PPP1CB: variants seen among roughly 807,000 people sequenced by gnomAD.
The protein encoded by PPP1CB is protein phosphatase 1 catalytic subunit beta.
Under a neutral mutation model 43.7 loss-of-function variants are expected in PPP1CB, and 2 were observed. That is an observed-to-expected ratio of 0.05 (90% CI 0.02 to 0.14). PPP1CB has a LOEUF of 0.14. Among genes scored for constraint, PPP1CB ranks in the 10% least tolerant of loss-of-function variants. The probability of loss-of-function intolerance (pLI) is 1.00; values close to 1 mark genes in which losing one functional copy is unlikely to be tolerated. For missense variants in PPP1CB, 84 were observed against 398.0 expected, an observed-to-expected ratio of 0.21 and a Z score of 6.71; for synonymous variants, 136 against 135.6, an observed-to-expected ratio of 1.00 and a Z score of -0.02.
At chr2:28,785,089 T>TTTTTTTG (rs1667237567) in intron 5 of PPP1CB, among the ~76,000 whole-genome samples, 1 of 125,206 alleles carries the variant, frequency 8.0e-6, no homozygotes, top group Non-Finnish European at 1.7e-5. Flanking sequence ...TTTTTTTTTT[T>TTTTTTTG]TTTTGAGACA....
rs1476585180 is a variant in PPP1CB at position 28,799,882 on chromosome 2, T to A, written c.*579T>A. 6.6e-6 allele frequency: 1 copy of A among 152,518 alleles called. No individual in the cohort carries two copies. The highest frequency in any genetic ancestry group is 2.4e-5 in the African/African-American group (1 of 41,442). 9.4% of individuals were successfully genotyped at this position (152,518 alleles called of 1,614,324 possible). ...CGCCTCATTACATTAAAAAGGAATT[T>A]TAGAGATTGATTGTTTTAAAAAAAA... On this transcript the variant is annotated 3_prime_UTR_variant, in exon 8 of 8. Transcript: ENST00000395366.
At chr2:28,767,055 T>A (rs1666793405) in intron 1 of PPP1CB, among the ~76,000 whole-genome samples, 1 of 151,134 alleles carries the variant, frequency 6.6e-6, no homozygotes, top group Non-Finnish European at 1.5e-5. Context: ...CAGTCCAGCC[T>A]GGGCAACAGA....
chr2:28,798,267 G>A (rs1667537253), intron 7 of PPP1CB, among the ~76,000 whole-genome samples: 1 of 152,056 alleles, frequency 6.6e-6, no homozygotes, highest in African/African-American at 2.4e-5. Context: ...ATCAAGTTTT[G>A]GCAAGGATTT....
chr2:28,796,293 G>A (rs957954247), intron 7 of PPP1CB, among the ~76,000 whole-genome samples: 9 of 152,048 alleles, frequency 5.9e-5, no homozygotes, highest in African/African-American at 2.2e-4. Context: ...AATTTCATAT[G>A]AATTTTAGAA....
chr2:28,754,821 C>A (rs567982295), intron 1 of PPP1CB, among the ~76,000 whole-genome samples: 1 of 152,106 alleles, frequency 6.6e-6, no homozygotes, highest in South Asian at 2.1e-4. Flanking sequence ...GTCAAATGAA[C>A]GTGTAAGTAA....
chr2:28,772,290 G>A (rs1666931279), intron 1 of PPP1CB, among the ~76,000 whole-genome samples: 1 of 152,054 alleles, frequency 6.6e-6, no homozygotes, highest in African/African-American at 2.4e-5. Flanking sequence ...GACGGAGCGA[G>A]ACTCCATCTC....
chr2:28,779,156 G>T (rs1667096642), intron 3 of PPP1CB, 117 bp downstream of exon 3: 1 of 725,780 alleles, frequency 1.4e-6, no homozygotes, highest in Non-Finnish European at 2.2e-6. Context: ...GTCAGGCATA[G>T]GCCAGGAAGA....
At chr2:28,796,271 G>A (rs996556045) in intron 7 of PPP1CB, among the ~76,000 whole-genome samples, 6 of 151,896 alleles carry the variant, frequency 4.0e-5, no homozygotes, top group African/African-American at 1.2e-4. Flanking sequence ...TTGGCTATTC[G>A]GGCTCTTTTT....
intron 5 of PPP1CB, among the ~76,000 whole-genome samples, chr2:28,784,928 A>AAAAG (rs1553311204): frequency 2.5e-5 from 3 of 120,444 alleles, no homozygotes; most frequent in African/African-American, 8.0e-5. Context: ...AAAAAAAAAA[A>AAAAG]AAAAAAGAAA....
intron 1 of PPP1CB, among the ~76,000 whole-genome samples, chr2:28,768,439 C>T (rs1286725599): frequency 6.6e-6 from 1 of 152,108 alleles, no homozygotes; most frequent in Non-Finnish European, 1.5e-5. Flanking sequence ...TACACATAAG[C>T]AAGAGAAGAA....
chr2:28,782,846 C>T (rs1667183297), intron 4 of PPP1CB: 1 of 152,190 alleles, frequency 6.6e-6, no homozygotes, highest in Admixed American at 6.5e-5. Flanking sequence ...AAGATAGATG[C>T]ACTTGCCTAG....
chr2:28,777,733 A>G (rs1667071393), intron 2 of PPP1CB, among the ~76,000 whole-genome samples: 1 of 151,950 alleles, frequency 6.6e-6, no homozygotes, highest in African/African-American at 2.4e-5. Flanking sequence ...GCTCACTGCA[A>G]CCTCCACCTC....
At chr2:28,777,048 C>G in intron 2 of PPP1CB, 66 bp downstream of exon 2, 1 of 1,523,098 alleles carries the variant, frequency 6.6e-7, no homozygotes, top group South Asian at 1.2e-5. Context: ...TGTTTAAGAT[C>G]TAGAGAAAAC....
chr2:28,770,517 A>C (rs1207868595), intron 1 of PPP1CB, among the ~76,000 whole-genome samples: 2 of 152,140 alleles, frequency 1.3e-5, no homozygotes, highest in African/African-American at 4.8e-5. Context: ...GCATTATATA[A>C]TGCTAAAAGG....
Position 28,801,166 on chromosome 2 carries a change from A to G in PPP1CB, c.*1863A>G, listed in dbSNP as rs930129536. ...TGAAAGTATTCATGATCTGCATATG[A>G]TGTATTAGGTTAGGTCACAAAGGTT... On this transcript the variant is annotated 3_prime_UTR_variant, in exon 8 of 8. Transcript: ENST00000395366. The G allele has an allele frequency of 2.6e-5, 4 of 152,006 alleles. No individual in the cohort carries two copies. Among genetic ancestry groups the G allele is most frequent in the African/African-American group, 9.7e-5 (4 of 41,398 alleles). The allele number at this position is 152,006 out of a possible 1,614,324, so 9.4% of individuals were successfully genotyped here.
chr2:28,773,006 C>T (rs1412505130), intron 1 of PPP1CB, among the ~76,000 whole-genome samples: 1 of 152,048 alleles, frequency 6.6e-6, no homozygotes, highest in Non-Finnish European at 1.5e-5. Context: ...TACATCAAAT[C>T]AATATATACT....
At chr2:28,797,589 T>C (rs1458233409) in intron 7 of PPP1CB, among the ~76,000 whole-genome samples, 1 of 152,144 alleles carries the variant, frequency 6.6e-6, no homozygotes, top group Non-Finnish European at 1.5e-5. Flanking sequence ...TGTGTTTTTG[T>C]GAATGTATTC....
chr2:28,773,043 G>A (rs1439282810), intron 1 of PPP1CB, among the ~76,000 whole-genome samples: 2 of 152,044 alleles, frequency 1.3e-5, no homozygotes, highest in Admixed American at 1.3e-4. Flanking sequence ...GTAACCTCAG[G>A]CATTACTGTC....
At chr2:28,772,374 A>T (rs1033214141) in intron 1 of PPP1CB, among the ~76,000 whole-genome samples, 1 of 152,192 alleles carries the variant, frequency 6.6e-6, no homozygotes, top group Non-Finnish European at 1.5e-5. Flanking sequence ...ATACCACCAT[A>T]TACCCAACAA....
Sources: gnomAD v4.1 joint callset for allele counts (sites outside exome capture counted in the v4.1 genomes callset) on GRCh38, gnomAD v4.1.1 for gene constraint, MANE v1.5 for transcripts, NCBI Gene and HGNC (gene_info 2026-07-23, HGNC 2026-07-21) for gene names.